Variants in ZDHHC15 observed in about 807,000 individuals in gnomAD.
ZDHHC15 encodes the protein zDHHC palmitoyltransferase 15, also known as palmitoyltransferase ZDHHC15.
A neutral mutation model predicts 31.7 loss-of-function variants in ZDHHC15; 19 were observed. The ratio of observed to expected loss-of-function variants is 0.60; its 90% CI spans 0.42 to 0.88. The LOEUF (loss-of-function observed/expected upper bound fraction) is 0.88, where lower values mean the gene tolerates loss of function less well. Ranked by LOEUF, ZDHHC15 falls within the 40% of genes least tolerant of loss-of-function variation. The pLI, the probability that ZDHHC15 is intolerant of heterozygous loss-of-function variation, is 0.00. For missense variants in ZDHHC15, 209 were observed against 251.2 expected (o/e 0.83, Z 1.14); for synonymous variants, 103 against 90.0 (o/e 1.14, Z -0.82).
chrX:75,467,816 CAG>C (rs2084431504), intron 3 of ZDHHC15, among the ~76,000 whole-genome samples: 1 of 111,430 alleles, frequency 9.0e-6, no homozygotes, highest in African/African-American at 3.3e-5. Flanking sequence ...GCATTTAGTA[CAG>C]AGTGTTGTGC....
chrX:75,384,051 A>G (rs1256796761), intron 10 of ZDHHC15, among the ~76,000 whole-genome samples: 5 of 110,829 alleles, frequency 4.5e-5, no homozygotes, highest in African/African-American at 1.3e-4. Flanking sequence ...CAGAAATGTT[A>G]GTTTTTCCCT....
chrX:75,389,747 A>G (rs2083220697), intron 10 of ZDHHC15, among the ~76,000 whole-genome samples: 1 of 109,777 alleles, frequency 9.1e-6, no homozygotes, highest in South Asian at 4.0e-4. Context: ...TGAGATTCAG[A>G]GATATGCTAC....
intron 10 of ZDHHC15, chrX:75,384,260 A>G: frequency 1.9e-6 from 1 of 516,507 alleles, no homozygotes; most frequent in Non-Finnish European, 3.4e-6. Flanking sequence ...AAATGTTAGT[A>G]TAGGCCAAGG....
intron 2 of ZDHHC15, among the ~76,000 whole-genome samples, chrX:75,489,945 A>G (rs2084849204): frequency 8.9e-6 from 1 of 112,406 alleles, no homozygotes; most frequent in Non-Finnish European, 1.9e-5. Flanking sequence ...TGACGAATGC[A>G]CTAGCCTCAG....
At position 75,507,362 on chromosome X, in the gene ZDHHC15, T is replaced by A. The variant is rs770037272; in HGVS notation, c.137-1515A>T. ...GTAGGAAGTAAGTCCAAGGGAATTT[T>A]TTTTTTTTGCAAACTTCCCTTTTGG... On this transcript the variant is annotated intron_variant, in intron 1 of 11. Coordinates refer to ENST00000373367, the MANE Select transcript of ZDHHC15 (RefSeq NM_144969.3). Among the ~76,000 whole-genome samples the A allele has an allele frequency of 1.4e-4, 15 of 110,989 alleles. No homozygotes were observed. The South Asian group carries it at 5.7e-3, about 42-fold the overall frequency.
intron 4 of ZDHHC15, among the ~76,000 whole-genome samples, chrX:75,434,200 C>A (rs2083820405): frequency 9.0e-6 from 1 of 111,217 alleles, no homozygotes; most frequent in Non-Finnish European, 1.9e-5. Context: ...TTTTTTCTTG[C>A]TGATTTGTTT....
intron 4 of ZDHHC15, among the ~76,000 whole-genome samples, chrX:75,440,242 T>A (rs1270838399): frequency 9.4e-6 from 1 of 106,932 alleles, no homozygotes; most frequent in Non-Finnish European, 1.9e-5. Context: ...TTTTCTCCTT[T>A]CTTGGAGCAG....
intron 2 of ZDHHC15, among the ~76,000 whole-genome samples, chrX:75,496,638 T>TTAA (rs1236853202): frequency 2.7e-5 from 3 of 111,656 alleles, no homozygotes; most frequent in Non-Finnish European, 5.6e-5. Flanking sequence ...TTAAGAAAAT[T>TTAA]GAAATTATAT....
intron 4 of ZDHHC15, among the ~76,000 whole-genome samples, chrX:75,441,230 T>A (rs1471259815): frequency 9.0e-6 from 1 of 111,715 alleles, no homozygotes; most frequent in African/African-American, 3.3e-5. Context: ...TTGAAATTAT[T>A]ACAAAGCTCA....
At chrX:75,511,675 C>A (rs2085276003) in intron 1 of ZDHHC15, among the ~76,000 whole-genome samples, 1 of 105,942 alleles carries the variant, frequency 9.4e-6, no homozygotes, top group Non-Finnish European at 1.9e-5. Flanking sequence ...AGTCCAGGAC[C>A]AGATGGATTC....
chrX:75,410,375 A>C (rs915035589), intron 10 of ZDHHC15, among the ~76,000 whole-genome samples: 1 of 111,780 alleles, frequency 8.9e-6, no homozygotes, highest in African/African-American at 3.2e-5. Flanking sequence ...AAAAAAGAAA[A>C]AAAAAGAAAA....
chrX:75,475,088 T>TA (rs929972016), intron 3 of ZDHHC15, among the ~76,000 whole-genome samples: 22 of 110,790 alleles, frequency 2.0e-4, no homozygotes, highest in African/African-American at 7.3e-4. Context: ...TAAAAATAAA[T>TA]AAAAAAAAGT....
chrX:75,410,725 C>A (rs760455653), intron 10 of ZDHHC15, among the ~76,000 whole-genome samples: 13 of 111,783 alleles, frequency 1.2e-4, no homozygotes, highest in Admixed American at 6.6e-4. Flanking sequence ...CCATCAATTC[C>A]ACTACTGGGT....
At chrX:75,518,510 G>A (rs1252144235) in intron 1 of ZDHHC15, among the ~76,000 whole-genome samples, 1 of 108,518 alleles carries the variant, frequency 9.2e-6, no homozygotes, top group Non-Finnish European at 1.9e-5. Flanking sequence ...GGACAAATTG[G>A]AACCCTTCTG....
chrX:75,373,993 C>T (rs1244497819), intron 11 of ZDHHC15, among the ~76,000 whole-genome samples: 1 of 95,715 alleles, frequency 1.0e-5, no homozygotes, highest in Non-Finnish European at 2.1e-5. Context: ...CTCACCCCTC[C>T]ACTACCCTTC....
At chrX:75,489,312 C>G (rs1569357508) in intron 2 of ZDHHC15, among the ~76,000 whole-genome samples, 1 of 112,035 alleles carries the variant, frequency 8.9e-6, no homozygotes, top group Non-Finnish European at 1.9e-5. Flanking sequence ...GTCCCTGACC[C>G]CTGAGCAGCC....
chrX:75,373,926 G>GTTTTA (rs761440416), intron 11 of ZDHHC15, among the ~76,000 whole-genome samples: 3 of 50,456 alleles, frequency 5.9e-5, no homozygotes, highest in Non-Finnish European at 1.0e-4. Flanking sequence ...CATTCTTTCT[G>GTTTTA]TTTTTTTTTT....
At chrX:75,422,045 A>C (rs2083651514) in intron 8 of ZDHHC15, 55 bp from the exon 9 acceptor site, 1 of 1,142,480 alleles carries the variant, frequency 8.8e-7, no homozygotes, top group Admixed American at 2.6e-5. Context: ...AAAGAAACAA[A>C]TTTCAGCATA....
chrX:75,422,119 C>T, intron 8 of ZDHHC15, 129 bp from the exon 9 acceptor site: 1 of 812,182 alleles, frequency 1.2e-6, no homozygotes. Context: ...GCTGTGGTAG[C>T]ACAGACCTCT....
Sources: allele counts gnomAD v4.1 joint callset (sites outside exome capture counted in the v4.1 genomes callset), GRCh38; gene constraint gnomAD v4.1.1; transcripts MANE v1.5; gene names NCBI Gene and HGNC (gene_info 2026-07-23, HGNC 2026-07-21).